ASPH: variants seen among roughly 807,000 people sequenced by gnomAD.
ASPH encodes the protein aspartate beta-hydroxylase, also known as aspartyl/asparaginyl beta-hydroxylase.
Under a neutral mutation model 118.4 loss-of-function variants are expected in ASPH, and 100 were observed. The ratio of observed to expected loss-of-function variants is 0.84; its 90% CI spans 0.72 to 1.00. The LOEUF is 1.00. Among genes scored for constraint, ASPH ranks in the 50% least tolerant of loss-of-function variants. The pLI, the probability that ASPH is intolerant of heterozygous loss-of-function variation, is 0.00. For synonymous variants in ASPH, 315 were observed against 325.6 expected (o/e 0.97, Z 0.35); for missense variants, 920 against 919.5 (o/e 1.00, Z -0.01).
chr8:61,527,422 A>G (rs7839684), intron 21 of ASPH, among the ~76,000 whole-genome samples: 17,099 of 152,272 alleles, frequency 0.11, 979 homozygotes, highest in Non-Finnish European at 0.13. Context: ...ACAGAGATTT[A>G]TGTGGAAACA....
At chr8:61,689,103 C>A (rs1044599555) in intron 1 of ASPH, among the ~76,000 whole-genome samples, 1 of 152,094 alleles carries the variant, frequency 6.6e-6, no homozygotes, top group African/African-American at 2.4e-5. Context: ...AAAGCAAAAG[C>A]AAATATATAC....
chr8:61,706,608 A>C (rs1371599197), intron 1 of ASPH, among the ~76,000 whole-genome samples: 1 of 152,188 alleles, frequency 6.6e-6, no homozygotes, highest in East Asian at 1.9e-4. Flanking sequence ...ATTCAATACA[A>C]TGCCAGTAAA....
At chr8:61,665,942 A>G (rs1819345036) in intron 3 of ASPH, among the ~76,000 whole-genome samples, 1 of 152,232 alleles carries the variant, frequency 6.6e-6, no homozygotes, top group Admixed American at 6.5e-5. Flanking sequence ...CTTTGTAACT[A>G]TAATTAAAGG....
Position 61,714,426 on chromosome 8 carries a change from G to C in ASPH, c.-55C>G. The C allele has an allele frequency of 7.3e-7, 1 of 1,378,994 alleles. No homozygotes were observed. Among genetic ancestry groups the C allele is most frequent in the Non-Finnish European group, 9.4e-7 (1 of 1,064,156 alleles). The allele number at this position is 1,378,994 out of a possible 1,614,324, so 85.4% of individuals were successfully genotyped here. A position where few individuals can be genotyped will look rare whatever the true frequency, so the allele number is the denominator to read the frequency against. ...GGCGGACCTCCTTCAGTGCGCGGGG[G>C]TACACACGCGACGCGGGAACCGCTG... On this transcript the variant is annotated 5_prime_UTR_variant, in exon 1 of 25. Coordinates refer to ENST00000379454, the MANE Select transcript of ASPH (RefSeq NM_004318.4).
chr8:61,707,860 A>G (rs1162719518), intron 1 of ASPH, among the ~76,000 whole-genome samples: 1 of 152,014 alleles, frequency 6.6e-6, no homozygotes, highest in African/African-American at 2.4e-5. Flanking sequence ...ATATACATAT[A>G]TGTGTGTGTG....
At chr8:61,701,770 G>A (rs1835300248) in intron 1 of ASPH, among the ~76,000 whole-genome samples, 1 of 152,164 alleles carries the variant, frequency 6.6e-6, no homozygotes, top group African/African-American at 2.4e-5. Flanking sequence ...TACCATTTAA[G>A]GAGGAAAATG....
chr8:61,533,881 T>C, intron 21 of ASPH, among the ~76,000 whole-genome samples: 1 of 152,232 alleles, frequency 6.6e-6, no homozygotes, highest in East Asian at 1.9e-4. Flanking sequence ...TCTTGTATTG[T>C]CATTTAAGTG....
At chr8:61,659,328 T>C (rs910660724) in intron 3 of ASPH, 3 of 152,234 alleles carry the variant, frequency 2.0e-5, no homozygotes, top group South Asian at 2.1e-4. Context: ...AGACACAGCA[T>C]GTTGGTGTTA....
intron 14 of ASPH, chr8:61,607,138 A>G: frequency 1.6e-6 from 1 of 611,018 alleles, no homozygotes; most frequent in Non-Finnish European, 2.9e-6. Flanking sequence ...TCCACAGAGC[A>G]TAGCACACAA....
In ASPH at chr8:61,518,138, A is replaced by G; in HGVS notation, c.1901-15T>C. 1 of 1,604,608 alleles carries G rather than the reference A, an allele frequency of 6.2e-7. No individual in the cohort carries two copies. The highest frequency in any genetic ancestry group is 2.2e-5 in the East Asian group (1 of 44,792). ...ATTTCTTCTTCCTAGAATAAATAAC[A>G]TAATTGTTGGAAACAAATCACAGTA... is the stretch of plus-strand genomic sequence containing the variant. On this transcript the variant is annotated splice_polypyrimidine_tract_variant and intron_variant, in intron 22 of 24. Coordinates refer to ENST00000379454, the MANE Select transcript of ASPH (RefSeq NM_004318.4).
intron 3 of ASPH, chr8:61,657,864 TA>T (rs1446002667): frequency 6.6e-6 from 1 of 152,228 alleles, no homozygotes; most frequent in Non-Finnish European, 1.5e-5. Flanking sequence ...ATTAAAAAGC[TA>T]AAAAGTTTTT....
intron 12 of ASPH, among the ~76,000 whole-genome samples, chr8:61,634,882 A>G (rs537401139): frequency 1.3e-5 from 2 of 152,316 alleles, no homozygotes; most frequent in African/African-American, 4.8e-5. Context: ...TATTATTGCA[A>G]GTTAAATTTT....
chr8:61,675,245 T>C, intron 3 of ASPH: 1 of 849,780 alleles, frequency 1.2e-6, no homozygotes, highest in South Asian at 5.4e-5. Context: ...AAGGAAAAAA[T>C]GGAAAAAGAC....
intron 14 of ASPH, among the ~76,000 whole-genome samples, chr8:61,603,587 T>C (rs541745426): frequency 3.0e-4 from 45 of 152,352 alleles, no homozygotes; most frequent in African/African-American, 9.1e-4. Context: ...AGTTTGCTTA[T>C]TGGATTCTCC....
At chr8:61,570,266 G>A (rs940420508) in intron 16 of ASPH, among the ~76,000 whole-genome samples, 32 of 152,120 alleles carry the variant, frequency 2.1e-4, no homozygotes, top group African/African-American at 7.7e-4. Context: ...TGATACTGAA[G>A]TACAGTTTCT....
At position 61,503,231 on chromosome 8, in the gene ASPH, T is replaced by G. The variant is rs1213594344; in HGVS notation, c.*128A>C. 60 of 1,169,390 alleles carry G rather than the reference T, an allele frequency of 5.1e-5. No homozygotes were observed. The East Asian group carries it at 1.5e-3, about 30-fold the overall frequency. The allele number at this position is 1,169,390 out of a possible 1,614,324, so 72.4% of individuals were successfully genotyped here. On this transcript the variant is annotated 3_prime_UTR_variant, in exon 25 of 25. Coordinates refer to ENST00000379454, the MANE Select transcript of ASPH (RefSeq NM_004318.4). Reference sequence around the variant, plus strand: ...TGTCTTCTGACCCTAGGAGGAGGCTTTGAATTACTCGGGCTGCAAGTCAAG... The same window carrying G: ...TGTCTTCTGACCCTAGGAGGAGGCTGTGAATTACTCGGGCTGCAAGTCAAG...
chr8:61,650,438 A>G (rs1170643138), intron 5 of ASPH, among the ~76,000 whole-genome samples: 1 of 152,172 alleles, frequency 6.6e-6, no homozygotes, highest in Non-Finnish European at 1.5e-5. Context: ...CCTTCATGAG[A>G]TACGTTTTGG....
chr8:61,689,943 C>T, intron 1 of ASPH: 1 of 946,418 alleles, frequency 1.1e-6, no homozygotes, highest in South Asian at 4.2e-5. Context: ...CTAACAACAC[C>T]ACAGCCTTTC....
chr8:61,662,126 A>C (rs1359491816), intron 3 of ASPH, among the ~76,000 whole-genome samples: 1 of 152,182 alleles, frequency 6.6e-6, no homozygotes, highest in African/African-American at 2.4e-5. Flanking sequence ...AAAGGATAGA[A>C]GATCATCCTG....
Sources: allele counts gnomAD v4.1 joint callset (sites outside exome capture counted in the v4.1 genomes callset), GRCh38; gene constraint gnomAD v4.1.1; transcripts MANE v1.5; gene names NCBI Gene and HGNC (gene_info 2026-07-23, HGNC 2026-07-21).